The following CTDP1 variants were observed in gnomAD, a reference collection of about 807,000 sequenced individuals.
The protein encoded by CTDP1 is RNA polymerase II subunit A C-terminal domain phosphatase.
A neutral mutation model predicts 91.8 loss-of-function variants in CTDP1; 47 were observed. The ratio of observed to expected loss-of-function variants is 0.51; its 90% CI spans 0.41 to 0.65. CTDP1 has a LOEUF of 0.65. Among genes scored for constraint, CTDP1 ranks in the 30% least tolerant of loss-of-function variants. CTDP1 has a pLI of 0.00. For missense variants in CTDP1, 1,272 were observed against 1,373.7 expected, an observed-to-expected ratio of 0.93 and a Z score of 1.17; for synonymous variants, 656 against 598.5, an observed-to-expected ratio of 1.10 and a Z score of -1.40.
rs2086056040 is a variant in CTDP1, at chr18:79,710,406, T to A, written c.833T>A (p.Ile278Asn). 3 of 1,614,026 alleles carry A rather than the reference T, an allele frequency of 1.9e-6. No homozygotes were observed. The highest frequency in any genetic ancestry group is 2.5e-6 in the Non-Finnish European group (3 of 1,179,974). Residue 278 changes from isoleucine to asparagine, a missense_variant, in exon 6 of 13, where the codon ATT becomes AAT. Physicochemically the swap from Ile to Asn is moderately radical, Grantham distance 149. Around this residue, in one of 3 missense-constraint regions of CTDP1, gnomAD observed 177 missense variants for 283.0 expected, o/e 0.63. Coordinates refer to ENST00000613122, the MANE Select transcript of CTDP1 (RefSeq NM_004715.5). ...CGAATATTATCAAGGGATGAATGTA[T>A]TGACCCATTTTCTAAAACGGGAAAC... ...SHRILSRDEC[I>N]DPFSKTGNLR...
rs776616561 is a variant in CTDP1 at position 79,753,791 on chromosome 18, G to A, written c.*1G>A. ...GGCGGAGCTCAACGACCTCATGTGA[G>A]CGCGGGCAGCGGGCAGGGACTGAAG... On this transcript the variant is annotated 3_prime_UTR_variant, in exon 13 of 13. Transcript: ENST00000613122. The A allele has an allele frequency of 9.9e-6, 16 of 1,612,722 alleles. No individual in the cohort carries two copies. Among genetic ancestry groups the A allele is most frequent in the South Asian group, 1.1e-5 (1 of 90,992 alleles).
At chr18:79,748,536 C>G (rs1324966749) in intron 12 of CTDP1, among the ~76,000 whole-genome samples, 2 of 152,232 alleles carry the variant, frequency 1.3e-5, no homozygotes, top group African/African-American at 4.8e-5. Flanking sequence ...GAGGACGTTT[C>G]TCAGCATTCT....
intron 12 of CTDP1, among the ~76,000 whole-genome samples, chr18:79,743,543 A>AAAC (rs2086823118): frequency 6.6e-6 from 1 of 150,882 alleles, no homozygotes; most frequent in African/African-American, 2.4e-5. Context: ...AAAAAAAAAA[A>AAAC]ACAGTGAAGC....
In CTDP1 at chr18:79,717,791, C is replaced by G. The variant is rs369147217; in HGVS notation, c.2211-19C>G. ...ACCCGGACGCCCCGCTCATGGCCCT[C>G]GTTCTCTTCCTCCGACAGGGAGAAC... On this transcript the variant is annotated intron_variant, in intron 9 of 12. Coordinates refer to ENST00000613122, the MANE Select transcript of CTDP1 (RefSeq NM_004715.5). The G allele has an allele frequency of 6.2e-7, 1 of 1,613,672 alleles. No individual in the cohort carries two copies. The highest frequency in any genetic ancestry group is 8.5e-7 in the Non-Finnish European group (1 of 1,179,988).
At chr18:79,691,268 C>T (rs777291700) in intron 1 of CTDP1, among the ~76,000 whole-genome samples, 6 of 152,222 alleles carry the variant, frequency 3.9e-5, no homozygotes, top group Non-Finnish European at 8.8e-5. Flanking sequence ...CTTCAGACCT[C>T]AGGCTGCGCT....
At chr18:79,685,343 T>C (rs562027489) in intron 1 of CTDP1, 1 of 152,352 alleles carries the variant, frequency 6.6e-6, no homozygotes, top group East Asian at 1.9e-4. Context: ...TTTGGCTTTT[T>C]CCCAGTCACT....
Position 79,679,882 on chromosome 18 carries a change from GGTAGGCGCTGCGCTCTGAGCGCA to G in CTDP1, c.-64_-42del. On this transcript the variant is annotated 5_prime_UTR_variant, in exon 1 of 13. Transcript: ENST00000613122. ...GTCGCCGCCTGGGTTGTGTCGCCGCGGTAGGCGCTGCGCTCTGAGCGCAGCGCAGGCCCCGTACCGACCGCCCG... is the reference window on the plus strand; with the variant it reads ...GTCGCCGCCTGGGTTGTGTCGCCGCGGCGCAGGCCCCGTACCGACCGCCCG... 2 of 1,317,064 alleles carry G rather than the reference GGTAGGCGCTGCGCTCTGAGCGCA, an allele frequency of 1.5e-6. No homozygotes were observed. The highest frequency in any genetic ancestry group is 3.5e-5 in the Admixed American group (1 of 28,696). 81.6% of individuals were successfully genotyped at this position (1,317,064 alleles called of 1,614,324 possible).
chr18:79,704,336 G>T (rs573798201), intron 4 of CTDP1, among the ~76,000 whole-genome samples: 1 of 151,490 alleles, frequency 6.6e-6, no homozygotes, highest in South Asian at 2.1e-4. Flanking sequence ...GGGTGCAAAC[G>T]CATCCTCTGT....
At chr18:79,738,277 C>A (rs1183065714) in intron 12 of CTDP1, among the ~76,000 whole-genome samples, 4 of 152,250 alleles carry the variant, frequency 2.6e-5, no homozygotes. Flanking sequence ...GAGGCTTTGT[C>A]TTGCCCGCCT....
At chr18:79,734,429 G>A (rs1279991550) in intron 11 of CTDP1, among the ~76,000 whole-genome samples, 1 of 152,252 alleles carries the variant, frequency 6.6e-6, no homozygotes, top group Non-Finnish European at 1.5e-5. Context: ...ATGTAGGCGA[G>A]GTCAGGTTTT....
At chr18:79,751,640 C>T (rs1451973719) in intron 12 of CTDP1, among the ~76,000 whole-genome samples, 1 of 152,162 alleles carries the variant, frequency 6.6e-6, no homozygotes, top group African/African-American at 2.4e-5. Flanking sequence ...CAAGTTATTT[C>T]TGCGCTATAG....
intron 12 of CTDP1, among the ~76,000 whole-genome samples, chr18:79,738,440 C>A (rs886862960): frequency 5.9e-5 from 9 of 152,216 alleles, no homozygotes; most frequent in African/African-American, 2.2e-4. Context: ...CTGGTTTCCT[C>A]ACCTGTGAAA....
In CTDP1 at chr18:79,712,861, G is replaced by A. The variant is rs932973197; in HGVS notation, c.864-111G>A. On this transcript the variant is annotated intron_variant, in intron 6 of 12. Transcript: ENST00000613122. Reference sequence around the variant, plus strand: ...CGGTTGGTGTCCGTCTGATTAACCTGCTGTCTGCTGGTTACATGTGGATTA... The same window carrying A: ...CGGTTGGTGTCCGTCTGATTAACCTACTGTCTGCTGGTTACATGTGGATTA... 8 of 1,185,134 alleles carry A rather than the reference G, an allele frequency of 6.8e-6. No homozygotes were observed. In the African/African-American group the frequency reaches 1.1e-4, roughly 16 times the overall value. The allele number at this position is 1,185,134 out of a possible 1,614,324, so 73.4% of individuals were successfully genotyped here.
At chr18:79,707,398 C>T (rs571983105) in intron 5 of CTDP1, among the ~76,000 whole-genome samples, 1 of 152,336 alleles carries the variant, frequency 6.6e-6, no homozygotes, top group East Asian at 1.9e-4. Context: ...GCCTCTGAGC[C>T]GCTTAGACAG....
At position 79,738,387 on chromosome 18, in the gene CTDP1, C is replaced by T. The variant is rs4799082; in HGVS notation, c.2747+1866C>T. Among the ~76,000 whole-genome samples, 6 of 152,254 alleles carry T rather than the reference C, an allele frequency of 3.9e-5. No individual in the cohort carries two copies. The East Asian group carries it at 9.7e-4, about 25-fold the overall frequency. On this transcript the variant is annotated intron_variant, in intron 12 of 12. Coordinates refer to ENST00000613122, the MANE Select transcript of CTDP1 (RefSeq NM_004715.5). ...GAACTTGGTCTCCAGAGCCTTCTTG[C>T]ATCTGCTGCGGGGCCGTGGGCCGGT...
Position 79,680,138 on chromosome 18 carries a change from C to T in CTDP1, c.191C>T (p.Ser64Phe). 1 of 1,433,050 alleles carries T rather than the reference C, an allele frequency of 7.0e-7. No homozygotes were observed. The highest frequency in any genetic ancestry group is 1.5e-5 in the African/African-American group (1 of 67,334). The allele number at this position is 1,433,050 out of a possible 1,614,324, so 88.8% of individuals were successfully genotyped here. Residue 64 changes from serine (S) to phenylalanine (F), a missense_variant, in exon 1 of 13, where the codon TCT becomes TTT. Physicochemically the swap from Ser to Phe is radical, Grantham distance 155. Around this residue, in one of 3 missense-constraint regions of CTDP1, gnomAD observed 214 missense variants for 179.1 expected, o/e 1.19. Transcript: ENST00000613122. ...AAASAQSSGA[S>F]QSRVASGGCV... The stretch of plus-strand genomic sequence containing the variant: ...GCCTCCGCGCAGTCCTCCGGGGCCT[C>T]TCAGTCCCGTGTAGCCTCCGGGGGC...
chr18:79,716,467 G>A (rs1213586827), intron 8 of CTDP1, among the ~76,000 whole-genome samples: 1 of 152,216 alleles, frequency 6.6e-6, no homozygotes, highest in Non-Finnish European at 1.5e-5. Context: ...GGGCAGAGGC[G>A]GGCTTTCCGT....
At chr18:79,708,723 C>G (rs2086019346) in intron 5 of CTDP1, among the ~76,000 whole-genome samples, 1 of 152,276 alleles carries the variant, frequency 6.6e-6, no homozygotes, top group South Asian at 2.1e-4. Context: ...AGACCACAGT[C>G]CCAGCTCCCG....
chr18:79,728,322 A>T (rs966840094), intron 10 of CTDP1, among the ~76,000 whole-genome samples: 11 of 151,968 alleles, frequency 7.2e-5, no homozygotes, highest in Non-Finnish European at 1.6e-4. Context: ...CTGGTCTCGA[A>T]CTCCTCACCT....
Sources: allele counts gnomAD v4.1 joint callset (sites outside exome capture counted in the v4.1 genomes callset), GRCh38; gene constraint gnomAD v4.1.1; regional missense constraint gnomAD v4.1.1; transcripts MANE v1.5; gene names NCBI Gene and HGNC (gene_info 2026-07-23, HGNC 2026-07-21).